Variants in CACNA1I observed in about 807,000 individuals in gnomAD.
CACNA1I encodes the protein calcium voltage-gated channel subunit alpha1 I, also known as voltage-dependent T-type calcium channel subunit alpha-1I.
CACNA1I carries 74 observed loss-of-function variants against 201.6 expected under a neutral mutation model. The observed-to-expected ratio is 0.37, with a 90% confidence interval of 0.30 to 0.45. The LOEUF (loss-of-function observed/expected upper bound fraction) is 0.45. Among genes scored for constraint, CACNA1I ranks in the 20% least tolerant of loss-of-function variants. CACNA1I has a pLI of 1.00. For missense variants in CACNA1I, 2,346 were observed against 3,138.1 expected, an observed-to-expected ratio of 0.75 and a Z score of 6.03; for synonymous variants, 1,431 against 1,345.2, an observed-to-expected ratio of 1.06 and a Z score of -1.40.
chr22:39,643,243 T>G (rs958552653), intron 7 of CACNA1I, among the ~76,000 whole-genome samples: 1 of 152,196 alleles, frequency 6.6e-6, no homozygotes, highest in South Asian at 2.1e-4. Flanking sequence ...TCAGAAGGGC[T>G]CCAGCTCATT....
chr22:39,603,146 C>A (rs1305258315), intron 3 of CACNA1I, among the ~76,000 whole-genome samples: 2 of 122,890 alleles, frequency 1.6e-5, no homozygotes, highest in Non-Finnish European at 3.5e-5. Context: ...AAAGCAAGAC[C>A]CTGTCAAAAA....
intron 28 of CACNA1I, 23 bp from the exon 29 acceptor site, chr22:39,673,940 G>A (rs774579238): frequency 1.9e-6 from 3 of 1,610,200 alleles, no homozygotes; most frequent in Non-Finnish European, 2.5e-6. Context: ...GGCTGAGTGG[G>A]CAGGGCTGGG....
At chr22:39,645,135 C>A (rs1196916055) in intron 7 of CACNA1I, among the ~76,000 whole-genome samples, 1 of 152,078 alleles carries the variant, frequency 6.6e-6, no homozygotes, top group African/African-American at 2.4e-5. Context: ...TACAGGCATG[C>A]ACCACCATGC....
Position 39,570,883 on chromosome 22 carries a change from G to T in CACNA1I, c.131G>T (p.Gly44Val). 6.2e-7 allele frequency: 1 copy of T among 1,613,800 alleles called. No individual in the cohort carries two copies. ...SPPGLEEPLD[G>V]ADPHVPHPDL... ...CCAGGCCTGGAGGAGCCTCTGGATG[G>T]AGCTGATCCTCATGTCCCACACCCA... The change falls in exon 1 of 37, where the codon GGA becomes GTA. Residue 44 changes from glycine (G) to valine (V), a missense_variant. Physicochemically the swap from Gly to Val is moderately radical, Grantham distance 109. Transcript: ENST00000402142.
Position 39,665,151 on chromosome 22 carries a change from C to A in CACNA1I, c.3851+228C>A, listed in dbSNP as rs1448449520. ...GACCCCAGTATTGCTGCCCACTCTG[C>A]GTGTCCCTGAGTGGCTCGTTGCCAT... On this transcript the variant is annotated intron_variant, in intron 21 of 36. Transcript: ENST00000402142. The surrounding 1 kb of genome is among the most constrained non-coding windows in gnomAD (Gnocchi z 5.5). 6.6e-6 allele frequency among the ~76,000 whole-genome samples: 1 copy of A among 152,130 alleles called. No homozygotes were observed. The highest frequency in any genetic ancestry group is 1.5e-5 in the Non-Finnish European group (1 of 68,022).
rs1934888110 is a variant in CACNA1I, at chr22:39,658,224, C to A, written c.2065C>A (p.Leu689Met). The change falls in exon 11 of 37, where the codon CTG becomes ATG. Residue 689 changes from leucine (L) to methionine (M), a missense_variant. By Grantham distance (15) the Leu-to-Met change is conservative (BLOSUM62 2). Around this residue, in one of 13 missense-constraint regions of CACNA1I, gnomAD observed 155 missense variants for 300.8 expected, o/e 0.52. Coordinates refer to ENST00000402142, the MANE Select transcript of CACNA1I (RefSeq NM_021096.4). ...FTSMFALEMI[L>M]KLAAFGLFDY... ...CAGCATGTTTGCCCTGGAGATGATC[C>A]TGAAGCTGGCTGCATTTGGGCTCTT... 1 of 1,613,982 alleles carries A rather than the reference C, an allele frequency of 6.2e-7. No individual in the cohort carries two copies. The highest frequency in any genetic ancestry group is 1.3e-5 in the African/African-American group (1 of 75,040).
At chr22:39,588,972 C>T (rs1367779133) in intron 1 of CACNA1I, among the ~76,000 whole-genome samples, 1 of 152,214 alleles carries the variant, frequency 6.6e-6, no homozygotes, top group Non-Finnish European at 1.5e-5. Flanking sequence ...AGTAGTACTC[C>T]ATGCGGGCTT....
intron 3 of CACNA1I, among the ~76,000 whole-genome samples, chr22:39,606,145 A>G (rs781156997): frequency 3.3e-5 from 5 of 152,010 alleles, no homozygotes; most frequent in Non-Finnish European, 7.4e-5. Flanking sequence ...CTGGCAGGAG[A>G]ACGGGATCCC....
chr22:39,680,965 C>T lies in CACNA1I; in HGVS notation c.5577C>T (p.Asn1859=), dbSNP rs1461618248. ...QLAETEAFSL[N]SDRSSSILLG... ...CTGAGACGGAGGCCTTCTCCCTGAACTCAGACAGGTCCTCGTCCATCCTGC... is the reference window on the plus strand; with the variant it reads ...CTGAGACGGAGGCCTTCTCCCTGAATTCAGACAGGTCCTCGTCCATCCTGC... Residue 1859 remains asparagine, a synonymous_variant, in exon 34 of 37, where the codon AAC becomes AAT. Transcript: ENST00000402142. The T allele has an allele frequency of 3.7e-6, 6 of 1,611,824 alleles. No homozygotes were observed. Among genetic ancestry groups the T allele is most frequent in the East Asian group, 2.2e-5 (1 of 44,882 alleles).
At chr22:39,582,047 G>A (rs1461974492) in intron 1 of CACNA1I, among the ~76,000 whole-genome samples, 1 of 152,186 alleles carries the variant, frequency 6.6e-6, no homozygotes. Context: ...GCAGAGCCGT[G>A]GGAAGAGGGC....
chr22:39,606,172 C>T (rs543206602), intron 3 of CACNA1I, among the ~76,000 whole-genome samples: 1 of 152,244 alleles, frequency 6.6e-6, no homozygotes, highest in South Asian at 2.1e-4. Context: ...CCAATGATGG[C>T]TTATGGGGTA....
intron 10 of CACNA1I, among the ~76,000 whole-genome samples, chr22:39,650,196 C>T (rs554561368): frequency 2.0e-5 from 3 of 152,180 alleles, no homozygotes; most frequent in Non-Finnish European, 4.4e-5. Flanking sequence ...CTCTTTTCCT[C>T]CTAAGCTGCT....
At chr22:39,585,992 A>G (rs1198252573) in intron 1 of CACNA1I, among the ~76,000 whole-genome samples, 2 of 152,036 alleles carry the variant, frequency 1.3e-5, no homozygotes, top group East Asian at 3.9e-4. Context: ...CTCCTGGCCA[A>G]CATGGTGAAA....
chr22:39,640,825 C>A, intron 5 of CACNA1I, 42 bp from the exon 6 acceptor site: 1 of 1,514,726 alleles, frequency 6.6e-7, no homozygotes, highest in Non-Finnish European at 9.0e-7. Context: ...TGACAGTGAC[C>A]CCTCCCCTTT....
chr22:39,663,196 G>T (rs1351394583), intron 18 of CACNA1I, among the ~76,000 whole-genome samples: 1 of 152,206 alleles, frequency 6.6e-6, no homozygotes, highest in East Asian at 1.9e-4. Context: ...GGCTCTCCTG[G>T]GCTCTCCTCT....
chr22:39,667,288 C>T (rs1935227007), intron 23 of CACNA1I, among the ~76,000 whole-genome samples: 1 of 152,214 alleles, frequency 6.6e-6, no homozygotes, highest in African/African-American at 2.4e-5. Context: ...GCACCATTCC[C>T]ACCTGGGAAG....
At position 39,685,623 on chromosome 22, in the gene CACNA1I, G is replaced by C. The variant is rs890779653; in HGVS notation, c.6028-138G>C. On this transcript the variant is annotated intron_variant, in intron 36 of 36. Transcript: ENST00000402142. The surrounding 1 kb of genome is among the most constrained non-coding windows in gnomAD (Gnocchi z 5.0). ...GTGACGCCGCCTAAGCTGGACGTGC[G>C]GAGGGGAGAAGCCCTGCTCCGAAGG... 3 of 695,108 alleles carry C rather than the reference G, an allele frequency of 4.3e-6. No homozygotes were observed. The highest frequency in any genetic ancestry group is 6.5e-6 in the Non-Finnish European group (3 of 460,706). 43.1% of individuals were successfully genotyped at this position (695,108 alleles called of 1,614,324 possible). A position where few individuals can be genotyped will look rare whatever the true frequency, so the allele number is the denominator to read the frequency against.
chr22:39,578,840 T>G (rs1037857135), intron 1 of CACNA1I, among the ~76,000 whole-genome samples: 3 of 152,212 alleles, frequency 2.0e-5, no homozygotes, highest in Admixed American at 6.5e-5. Flanking sequence ...GTGCTCTGTT[T>G]TGAAGCCCCA....
At chr22:39,593,628 C>T (rs551528304) in intron 1 of CACNA1I, among the ~76,000 whole-genome samples, 1 of 152,238 alleles carries the variant, frequency 6.6e-6, no homozygotes, top group South Asian at 2.1e-4. Context: ...CCTTGCGTAC[C>T]AGGCTTGGGA....
Sources: allele counts gnomAD v4.1 joint callset (sites outside exome capture counted in the v4.1 genomes callset), GRCh38; gene constraint gnomAD v4.1.1; regional missense constraint gnomAD v4.1.1; non-coding constraint Gnocchi (gnomAD v3.1); transcripts MANE v1.5; gene names NCBI Gene and HGNC (gene_info 2026-07-23, HGNC 2026-07-21).